Variants in EXOC4 observed in about 807,000 individuals in gnomAD.
EXOC4 encodes the protein SEC8-like 1.
A neutral mutation model predicts 107.2 loss-of-function variants in EXOC4; 71 were observed. That is an observed-to-expected ratio of 0.66 (90% CI 0.55 to 0.81). EXOC4 has a LOEUF of 0.81. EXOC4 is among the 30% of genes least tolerant of loss of function. The pLI is 0.00. For synonymous variants in EXOC4, 456 were observed against 441.2 expected (o/e 1.03, Z -0.42); for missense variants, 1,108 against 1,189.6 (o/e 0.93, Z 1.01).
intron 13 of EXOC4, among the ~76,000 whole-genome samples, chr7:133,931,421 ATTGT>A (rs1447424679): frequency 1.3e-5 from 2 of 152,220 alleles, no homozygotes; most frequent in African/African-American, 4.8e-5. Context: ...CAAAGACTTA[ATTGT>A]TTGCCCAAAT....
intron 8 of EXOC4, chr7:133,479,657 G>C (rs527316974): frequency 5.1e-6 from 1 of 196,660 alleles, no homozygotes; most frequent in South Asian, 1.1e-4. Flanking sequence ...TTGGTAGCTG[G>C]CAGTCACTGG....
At position 133,288,462 on chromosome 7, in the gene EXOC4, ACT is replaced by A. The variant is rs1213391477; in HGVS notation, c.277-457_277-456del. Reference sequence around the variant, plus strand: ...TACTTTTATTTTAGTTAGGTTGAGCACTCTGTTTCTTGGTTTTAAACTTTAGC... The same window carrying A: ...TACTTTTATTTTAGTTAGGTTGAGCACTGTTTCTTGGTTTTAAACTTTAGC... On this transcript the variant is annotated intron_variant, in intron 2 of 17. Transcript: ENST00000253861. Among the ~76,000 whole-genome samples, 3 of 152,128 alleles carry A rather than the reference ACT, an allele frequency of 2.0e-5. No homozygotes were observed. In the South Asian group the frequency reaches 6.2e-4, roughly 32 times the overall value.
chr7:133,924,452 T>C (rs1190707390), intron 13 of EXOC4, among the ~76,000 whole-genome samples: 1 of 152,180 alleles, frequency 6.6e-6, no homozygotes, highest in Non-Finnish European at 1.5e-5. Context: ...AAGAGAATAC[T>C]GATCCAAAGA....
In EXOC4 at chr7:133,414,353, T is replaced by A. The variant is rs1797426978; in HGVS notation, c.1182+39351T>A. Among the ~76,000 whole-genome samples, 3 of 152,200 alleles carry A rather than the reference T, an allele frequency of 2.0e-5. No individual in the cohort carries two copies. The South Asian group carries it at 6.2e-4, about 31-fold the overall frequency. On this transcript the variant is annotated intron_variant, in intron 7 of 17. Transcript: ENST00000253861. ...CAAGGATGAGAAGAAACAGGAACTC[T>A]TGTATATTACTGATGAGAATAAATT...
At chr7:134,099,583 G>T in the EXOC4 span, among the ~76,000 whole-genome samples, 1 of 139,506 alleles carries the variant, frequency 7.2e-6, no homozygotes, top group Non-Finnish European at 1.5e-5. Flanking sequence ...AGGCTGGAGT[G>T]CAGTGGCACG....
At chr7:133,588,448 C>G (rs1023560854) in intron 9 of EXOC4, among the ~76,000 whole-genome samples, 1 of 152,102 alleles carries the variant, frequency 6.6e-6, no homozygotes, top group Non-Finnish European at 1.5e-5. Flanking sequence ...TAATAATTTG[C>G]TTACCATTAA....
intron 7 of EXOC4, among the ~76,000 whole-genome samples, chr7:133,411,198 A>G (rs1391594524): frequency 6.6e-6 from 1 of 152,194 alleles, no homozygotes; most frequent in Admixed American, 6.6e-5. Flanking sequence ...TTTTGTATCA[A>G]AAGGAATTTA....
At chr7:133,313,529 T>C (rs1464180810) in intron 4 of EXOC4, among the ~76,000 whole-genome samples, 2 of 152,186 alleles carry the variant, frequency 1.3e-5, no homozygotes, top group African/African-American at 4.8e-5. Context: ...CCTCTGTCAG[T>C]TTTTAGTTTC....
chr7:133,977,504 C>T (rs1563078165), intron 14 of EXOC4, among the ~76,000 whole-genome samples: 1 of 152,188 alleles, frequency 6.6e-6, no homozygotes. Context: ...TCGTCCTCAG[C>T]CTATAGGAAC....
intron 9 of EXOC4, among the ~76,000 whole-genome samples, chr7:133,510,572 G>C (rs769309328): frequency 2.0e-4 from 31 of 152,250 alleles, no homozygotes; most frequent in Admixed American, 4.6e-4. Flanking sequence ...CTTCCTCATG[G>C]AGTTGCTGTG....
At chr7:133,506,947 CTA>C (rs929547786) in intron 9 of EXOC4, among the ~76,000 whole-genome samples, 1 of 151,822 alleles carries the variant, frequency 6.6e-6, no homozygotes, top group Admixed American at 6.6e-5. Context: ...TTTAGATACT[CTA>C]TATATTCTAG....
chr7:133,400,514 T>C (rs1379686146), intron 7 of EXOC4, among the ~76,000 whole-genome samples: 1 of 152,244 alleles, frequency 6.6e-6, no homozygotes, highest in African/African-American at 2.4e-5. Context: ...TTTACAGTGT[T>C]GTCTCCTTTA....
intron 3 of EXOC4, among the ~76,000 whole-genome samples, chr7:133,300,330 C>G (rs1794615118): frequency 6.6e-6 from 1 of 152,172 alleles, no homozygotes; most frequent in Non-Finnish European, 1.5e-5. Context: ...CAGGCAGTGG[C>G]AAAGCTTGGC....
intron 7 of EXOC4, among the ~76,000 whole-genome samples, chr7:133,412,714 C>T (rs1049447421): frequency 2.0e-5 from 3 of 151,934 alleles, no homozygotes; most frequent in African/African-American, 7.2e-5. Flanking sequence ...ATTCATGTGA[C>T]ACCATCAAGC....
intron 10 of EXOC4, among the ~76,000 whole-genome samples, chr7:133,687,437 GAAAA>G (rs59042734): frequency 6.6e-6 from 1 of 150,416 alleles, no homozygotes; most frequent in Non-Finnish European, 1.5e-5. Context: ...TAAAATTAAA[GAAAA>G]AAAAACTGAA....
At chr7:134,062,609 A>G (rs1796090931) in intron 17 of EXOC4, among the ~76,000 whole-genome samples, 1 of 152,180 alleles carries the variant, frequency 6.6e-6, no homozygotes, top group Non-Finnish European at 1.5e-5. Context: ...GATCTTGGCA[A>G]AGTTACCTTT....
intron 11 of EXOC4, among the ~76,000 whole-genome samples, chr7:133,861,489 C>T (rs1352885084): frequency 6.6e-6 from 1 of 152,126 alleles, no homozygotes; most frequent in Non-Finnish European, 1.5e-5. Flanking sequence ...GATTCTGATT[C>T]TCTGCATCTG....
chr7:133,968,431 G>A (rs1266851294), intron 14 of EXOC4, among the ~76,000 whole-genome samples: 6 of 152,152 alleles, frequency 3.9e-5, no homozygotes, highest in African/African-American at 1.2e-4. Flanking sequence ...TTTCTTCATA[G>A]TGTCAATGGT....
chr7:133,762,432 C>T (rs550071820), intron 10 of EXOC4, among the ~76,000 whole-genome samples: 1 of 152,054 alleles, frequency 6.6e-6, no homozygotes, highest in East Asian at 1.9e-4. Context: ...CTTTTTTTTA[C>T]TTCATCAAAT....
Sources: gnomAD v4.1 joint callset for allele counts (sites outside exome capture counted in the v4.1 genomes callset) on GRCh38, gnomAD v4.1.1 for gene constraint, MANE v1.5 for transcripts, NCBI Gene and HGNC (gene_info 2026-07-23, HGNC 2026-07-21) for gene names.